Variants in TNR observed in about 807,000 individuals in gnomAD.
The protein encoded by TNR is tenascin-R.
In TNR, 45 loss-of-function variants were observed where a neutral mutation model predicts 150.4. That is an observed-to-expected ratio of 0.30 (90% CI 0.24 to 0.38). TNR has a LOEUF of 0.38. Ranked by LOEUF, TNR falls within the 10% of genes least tolerant of loss-of-function variation. The probability of loss-of-function intolerance (pLI) is 1.00; values close to 1 mark genes in which losing one functional copy is unlikely to be tolerated. For missense variants in TNR, 1,544 were observed against 1,759.1 expected (o/e 0.88, Z 2.19); for synonymous variants, 687 against 678.4 (o/e 1.01, Z -0.20).
chr1:175,517,043 GAGAGAGAGAGAGAGAA>G (rs1183329038), intron 2 of TNR, among the ~76,000 whole-genome samples: 27 of 150,806 alleles, frequency 1.8e-4, no homozygotes, highest in African/African-American at 6.2e-4. Flanking sequence ...GAGAGAGAGA[GAGAGAGAGAGAGAGAA>G]AGAGAGAGAG....
chr1:175,398,335 AC>A (rs1653533575), intron 4 of TNR, among the ~76,000 whole-genome samples: 1 of 152,234 alleles, frequency 6.6e-6, no homozygotes, highest in Non-Finnish European at 1.5e-5. Context: ...GTTGACCAAA[AC>A]AAAAATTAAA....
intron 2 of TNR, among the ~76,000 whole-genome samples, chr1:175,456,885 A>G (rs2102100074): frequency 6.6e-6 from 1 of 152,300 alleles, no homozygotes; most frequent in Non-Finnish European, 1.5e-5. Context: ...CAGTAAGGGG[A>G]AACTGAGGAT....
intron 11 of TNR, 80 bp downstream of exon 11, chr1:175,365,795 G>T: frequency 6.5e-7 from 1 of 1,536,998 alleles, no homozygotes; most frequent in South Asian, 1.3e-5. Context: ...AACATTGGAA[G>T]AGTGACTTGC....
intron 1 of TNR, among the ~76,000 whole-genome samples, chr1:175,670,897 G>A (rs1194044796): frequency 6.6e-6 from 1 of 152,182 alleles, no homozygotes; most frequent in African/African-American, 2.4e-5. Context: ...ATATGGGCAA[G>A]TACAAAATCA....
rs1287328212 is a variant in TNR, at chr1:175,386,135, T to C, written c.1674A>G (p.Gln558=). The C allele has an allele frequency of 1.2e-6, 2 of 1,613,244 alleles. No individual in the cohort carries two copies. The highest frequency in any genetic ancestry group is 2.7e-5 in the African/African-American group (2 of 74,864). Residue 558 remains glutamine (Q), a synonymous_variant, in exon 8 of 23, where the codon CAA becomes CAG. Coordinates refer to ENST00000367674, the MANE Select transcript of TNR (RefSeq NM_003285.3). ...CAGGCCGCAGGGCCTGCACTGAGTA[T>C]TGGCTCAGGGGAGGCTGCAGCCGGA... ...TTFRLQPPLS[Q]YSVQALRPGS...
chr1:175,481,252 G>A (rs1416446345), intron 2 of TNR, among the ~76,000 whole-genome samples: 3 of 152,194 alleles, frequency 2.0e-5, no homozygotes, highest in Non-Finnish European at 4.4e-5. Flanking sequence ...ACAAATGAAT[G>A]AATGAATGTG....
chr1:175,652,109 A>G (rs1212507728), intron 1 of TNR, among the ~76,000 whole-genome samples: 4 of 148,320 alleles, frequency 2.7e-5, no homozygotes, highest in Admixed American at 2.0e-4. Context: ...TTAAGCTAAT[A>G]GATTATGTAT....
intron 1 of TNR, among the ~76,000 whole-genome samples, chr1:175,640,402 G>T (rs1664619353): frequency 6.6e-6 from 1 of 152,182 alleles, no homozygotes; most frequent in Admixed American, 6.5e-5. Flanking sequence ...AGGTGTCTTG[G>T]TTGTTAAGCC....
chr1:175,331,033 C>CTTTCTTTCTTTCTTTCT (rs1649753056), intron 20 of TNR, among the ~76,000 whole-genome samples: 7 of 70,972 alleles, frequency 9.9e-5, no homozygotes, highest in African/African-American at 3.2e-4. Context: ...TTCTTTCTTT[C>CTTTCTTTCTTTCTTTCT]TTTCTTTCTT....
chr1:175,521,381 A>C (rs1353611079), intron 2 of TNR, among the ~76,000 whole-genome samples: 3 of 152,218 alleles, frequency 2.0e-5, no homozygotes, highest in Non-Finnish European at 2.9e-5. Context: ...TTTTCAGTGT[A>C]AACAGCATTC....
intron 19 of TNR, 33 bp from the exon 20 acceptor site, chr1:175,335,840 A>T: frequency 6.4e-7 from 1 of 1,569,118 alleles, no homozygotes; most frequent in South Asian, 1.2e-5. Flanking sequence ...AAAAACAAAC[A>T]AACAAAAAAA....
chr1:175,552,986 A>C (rs1462001760), intron 1 of TNR, among the ~76,000 whole-genome samples: 1 of 152,182 alleles, frequency 6.6e-6, no homozygotes, highest in Non-Finnish European at 1.5e-5. Flanking sequence ...CCTCTTGATG[A>C]GAACCATGAG....
chr1:175,504,218 C>A (rs1658858432), intron 2 of TNR, among the ~76,000 whole-genome samples: 1 of 152,180 alleles, frequency 6.6e-6, no homozygotes, highest in Admixed American at 6.5e-5. Flanking sequence ...GCTGTCACTT[C>A]TCATTCAACC....
intron 2 of TNR, among the ~76,000 whole-genome samples, chr1:175,499,126 G>A (rs550916690): frequency 1.3e-5 from 2 of 152,094 alleles, no homozygotes; most frequent in East Asian, 3.9e-4. Context: ...CACGAGTTTA[G>A]TTTCTGGCTT....
intron 1 of TNR, among the ~76,000 whole-genome samples, chr1:175,657,007 T>C (rs1665198385): frequency 1.3e-5 from 2 of 151,876 alleles, no homozygotes; most frequent in Non-Finnish European, 2.9e-5. Context: ...AAAGAGAAGA[T>C]ATAGGAGGTA....
intron 2 of TNR, among the ~76,000 whole-genome samples, chr1:175,436,277 A>G (rs1655503807): frequency 6.6e-6 from 1 of 152,190 alleles, no homozygotes; most frequent in Non-Finnish European, 1.5e-5. Flanking sequence ...AGGTACACCA[A>G]TCAGACATAG....
intron 1 of TNR, among the ~76,000 whole-genome samples, chr1:175,706,698 C>T (rs930807319): frequency 2.0e-5 from 3 of 152,084 alleles, no homozygotes; most frequent in African/African-American, 4.8e-5. Context: ...TCCCTATGAC[C>T]CTTCCATTCA....
chr1:175,397,751 C>G (rs2102040539), intron 4 of TNR, among the ~76,000 whole-genome samples: 1 of 152,306 alleles, frequency 6.6e-6, no homozygotes, highest in South Asian at 2.1e-4. Flanking sequence ...GCTTTACTTT[C>G]TTCTGATTTC....
intron 8 of TNR, among the ~76,000 whole-genome samples, chr1:175,383,324 A>T (rs1356432871): frequency 1.3e-5 from 2 of 152,228 alleles, no homozygotes; most frequent in Non-Finnish European, 2.9e-5. Flanking sequence ...AGAAATCTGG[A>T]GTATTCAGGT....
Sources: gnomAD v4.1 joint callset for allele counts (sites outside exome capture counted in the v4.1 genomes callset) on GRCh38, gnomAD v4.1.1 for gene constraint, MANE v1.5 for transcripts, NCBI Gene and HGNC (gene_info 2026-07-23, HGNC 2026-07-21) for gene names.